The following ZFYVE26 variants were observed in gnomAD, a reference collection of about 807,000 sequenced individuals.
ZFYVE26 encodes the protein zinc finger FYVE-type containing 26.
In ZFYVE26, 181 loss-of-function variants were observed where a neutral mutation model predicts 276.5. The observed-to-expected ratio is 0.65, with a 90% CI of 0.58 to 0.74. The LOEUF (loss-of-function observed/expected upper bound fraction) is 0.74, where lower values mean the gene tolerates loss of function less well. ZFYVE26 is among the 30% of genes least tolerant of loss of function. The pLI, the probability that ZFYVE26 is intolerant of heterozygous loss-of-function variation, is 0.00. For synonymous variants in ZFYVE26, 1,129 were observed against 1,203.1 expected (o/e 0.94, Z 1.27); for missense variants, 2,821 against 3,097.9 (o/e 0.91, Z 2.12).
chr14:67,778,366 A>T, intron 23 of ZFYVE26, 118 bp from the exon 24 acceptor site: 1 of 1,332,184 alleles, frequency 7.5e-7, no homozygotes, highest in Non-Finnish European at 1.1e-6. Context: ...CTTCACTATG[A>T]TGAAAATGAT....
intron 37 of ZFYVE26, among the ~76,000 whole-genome samples, chr14:67,754,733 G>C (rs771687144): frequency 6.6e-6 from 1 of 152,222 alleles, no homozygotes; most frequent in African/African-American, 2.4e-5. Flanking sequence ...TCGATGCTTA[G>C]CAAGAAGAGA....
downstream of ZFYVE26, among the ~76,000 whole-genome samples, chr14:67,743,376 A>T (rs1463790945): frequency 6.6e-6 from 1 of 152,078 alleles, no homozygotes. Flanking sequence ...CTGTAGCCTC[A>T]GCTACTCAGG....
intron 24 of ZFYVE26, 75 bp from the exon 25 acceptor site, chr14:67,777,810 T>C (rs1250303749): frequency 8.3e-6 from 13 of 1,566,326 alleles, no homozygotes; most frequent in South Asian, 1.1e-5. Context: ...TGTTTGAGAA[T>C]AGAATATTTA....
At chr14:67,759,561 T>G (rs1387517141) in intron 35 of ZFYVE26, among the ~76,000 whole-genome samples, 1 of 141,788 alleles carries the variant, frequency 7.1e-6, no homozygotes, top group East Asian at 2.0e-4. Flanking sequence ...GAAGCAGAGG[T>G]TGTAGTGAGC....
chr14:67,804,093 C>T lies in ZFYVE26; in HGVS notation c.1435+8G>A, dbSNP rs779576115. On this transcript the variant is annotated splice_region_variant and intron_variant, in intron 9 of 41. Transcript: ENST00000347230. ...AAATCCTGGCCAGGTCATTCCATCC[C>T]AACTCACCAGGCTCTTGCTGGGGGT... 4.5e-5 allele frequency: 73 copies of T among 1,613,846 alleles called. No individual in the cohort carries two copies. The highest frequency in any genetic ancestry group is 5.8e-5 in the Non-Finnish European group (68 of 1,180,042).
chr14:67,789,583 G>C lies in ZFYVE26; in HGVS notation c.2771C>G (p.Ser924Cys), dbSNP rs1335514283. The C allele has an allele frequency of 1.9e-6, 3 of 1,614,038 alleles. No individual in the cohort carries two copies. The highest frequency in any genetic ancestry group is 2.5e-6 in the Non-Finnish European group (3 of 1,180,046). ...SAAAAGMVFY[S>C]ISDVTDKLLN... is the part of the protein sequence containing the mutation. ...CAGCTTGTCAGTCACGTCAGAGATA[G>C]AGTAAAACACCATTCCTGGCCGCCC... is the stretch of plus-strand genomic sequence containing the variant. The change falls in exon 16 of 42, where the codon TCT becomes TGT. Residue 924 changes from serine to cysteine, a missense_variant. Coordinates refer to ENST00000347230, the MANE Select transcript of ZFYVE26 (RefSeq NM_015346.4).
chr14:67,787,677 T>C (rs2039693136), intron 16 of ZFYVE26, among the ~76,000 whole-genome samples: 1 of 152,222 alleles, frequency 6.6e-6, no homozygotes, highest in Non-Finnish European at 1.5e-5. Flanking sequence ...AATAATATTT[T>C]ATTTTAGGAT....
chr14:67,797,870 C>T, intron 11 of ZFYVE26, 115 bp from the exon 12 acceptor site: 4 of 1,564,074 alleles, frequency 2.6e-6, no homozygotes, highest in Non-Finnish European at 3.5e-6. Flanking sequence ...TGGAGCATAC[C>T]CCAGTGTTCT....
At position 67,776,120 on chromosome 14, in the gene ZFYVE26, A is replaced by G. The variant is rs1332890934; in HGVS notation, c.4975-14T>C. 6.2e-7 allele frequency: 1 copy of G among 1,614,018 alleles called. No individual in the cohort carries two copies. Among genetic ancestry groups the G allele is most frequent in the Admixed American group, 1.7e-5 (1 of 60,026 alleles). On this transcript the variant is annotated splice_polypyrimidine_tract_variant and intron_variant, in intron 25 of 41. Coordinates refer to ENST00000347230, the MANE Select transcript of ZFYVE26 (RefSeq NM_015346.4). ...GGTCAGCAGAATCTGTTTGTGGGGTAGATCCATAGAGTAAAGAAAATAGTA... is the reference window on the plus strand; with the variant it reads ...GGTCAGCAGAATCTGTTTGTGGGGTGGATCCATAGAGTAAAGAAAATAGTA...
intron 29 of ZFYVE26, 83 bp from the exon 30 acceptor site, chr14:67,768,631 A>G: frequency 2.2e-6 from 3 of 1,346,918 alleles, no homozygotes; most frequent in Non-Finnish European, 2.1e-6. Flanking sequence ...ATCAACTTAC[A>G]GTGTCTCCCT....
At chr14:67,769,812 C>T in intron 28 of ZFYVE26, 82 bp from the exon 29 acceptor site, 1 of 1,579,984 alleles carries the variant, frequency 6.3e-7, no homozygotes, top group Non-Finnish European at 8.7e-7. Context: ...ATGGTATTAA[C>T]TACCAGTGGC....
At chr14:67,788,166 G>A (rs1566886502) in intron 16 of ZFYVE26, among the ~76,000 whole-genome samples, 1 of 152,072 alleles carries the variant, frequency 6.6e-6, no homozygotes, top group East Asian at 1.9e-4. Flanking sequence ...TGAGGCAGGC[G>A]GATCATTACG....
chr14:67,738,229 T>C (rs1566855206), intron 13 of ZFYVE26, among the ~76,000 whole-genome samples: 1 of 151,722 alleles, frequency 6.6e-6, no homozygotes, highest in Non-Finnish European at 1.5e-5. Flanking sequence ...AGAGGAGGCA[T>C]TGTTCATATT....
chr14:67,740,028 T>C (rs1379738052), intron 13 of ZFYVE26, among the ~76,000 whole-genome samples: 1 of 152,150 alleles, frequency 6.6e-6, no homozygotes, highest in Non-Finnish European at 1.5e-5. Context: ...AAAAAATCAA[T>C]GGTTCCATTA....
chr14:67,807,906 G>T lies in ZFYVE26; in HGVS notation c.378C>A (p.Thr126=), dbSNP rs756267845. The change falls in exon 5 of 42, where the codon ACC becomes ACA. Residue 126 remains threonine (T), a synonymous_variant. Coordinates refer to ENST00000347230, the MANE Select transcript of ZFYVE26 (RefSeq NM_015346.4). ...CGTGGCCTACTGCACCCTGTGTTAA[G>T]GTCTCATACAGCTCCTAAATAGAGG... ...PENILEELYE[T]LTQGAVGHVP... is the part of the protein sequence containing the mutation. The T allele has an allele frequency of 6.2e-7, 1 of 1,614,172 alleles. No individual in the cohort carries two copies. Among genetic ancestry groups the T allele is most frequent in the South Asian group, 1.1e-5 (1 of 91,080 alleles).
At chr14:67,813,585 G>T (rs1489770214) in intron 3 of ZFYVE26, among the ~76,000 whole-genome samples, 2 of 151,804 alleles carry the variant, frequency 1.3e-5, no homozygotes, top group East Asian at 3.9e-4. Flanking sequence ...TTGAATCTAT[G>T]AGATGTCATG....
chr14:67,809,406 CTCTTTTT>C, intron 3 of ZFYVE26, 117 bp from the exon 4 acceptor site: 5 of 237,766 alleles, frequency 2.1e-5, no homozygotes, highest in Non-Finnish European at 2.7e-5. Context: ...AGATGAAGCA[CTCTTTTT>C]TTTTTTTTTT....
At chr14:67,764,615 TTGTA>T (rs1265827528) in intron 32 of ZFYVE26, among the ~76,000 whole-genome samples, 5 of 152,184 alleles carry the variant, frequency 3.3e-5, no homozygotes. Context: ...ATCCAAGAGT[TTGTA>T]AGTGATTTGC....
intron 28 of ZFYVE26, among the ~76,000 whole-genome samples, chr14:67,770,729 A>C (rs1013956029): frequency 6.6e-6 from 1 of 152,188 alleles, no homozygotes; most frequent in Non-Finnish European, 1.5e-5. Context: ...GGCAGTCAAT[A>C]AAGGCCAACT....
Sources: allele counts gnomAD v4.1 joint callset (sites outside exome capture counted in the v4.1 genomes callset), GRCh38; gene constraint gnomAD v4.1.1; transcripts MANE v1.5; gene names NCBI Gene and HGNC (gene_info 2026-07-23, HGNC 2026-07-21).